Variants in LINGO2 observed in about 807,000 individuals in gnomAD.
The protein encoded by LINGO2 is leucine rich repeat and Ig domain containing 2, also known as leucine-rich repeat and immunoglobulin-like domain-containing nogo receptor-interacting protein 2.
Under a neutral mutation model 30.6 loss-of-function variants are expected in LINGO2, and 14 were observed. That is an observed-to-expected ratio of 0.46 (90% confidence interval 0.30 to 0.72). LINGO2 has a LOEUF of 0.72. Among genes scored for constraint, LINGO2 ranks in the 30% least tolerant of loss-of-function variants. The probability of loss-of-function intolerance (pLI) is 0.07; values close to 1 mark genes in which losing one functional copy is unlikely to be tolerated. For synonymous variants in LINGO2, 317 were observed against 288.5 expected (o/e 1.10, Z -1.00); for missense variants, 729 against 751.7 (o/e 0.97, Z 0.35).
At chr9:28,880,579 T>G in the LINGO2 span, among the ~76,000 whole-genome samples, 32 of 152,146 alleles carry the variant, frequency 2.1e-4, no homozygotes, top group African/African-American at 7.5e-4. Context: ...CCCCATGTGA[T>G]AGTCTGAAAT....
At position 27,957,843 on chromosome 9, in the gene LINGO2, T is replaced by C. The variant is rs10968227; in HGVS notation, c.-35-7137A>G. On this transcript the variant is annotated intron_variant, in intron 5 of 5. Coordinates refer to ENST00000379992, the Ensembl canonical transcript of LINGO2. ...GAACAACTTTCCAATTCACGAATGT[T>C]GTACGAGCTTCTTATCTTTAGGTAT... Among the ~76,000 whole-genome samples the C allele has an allele frequency of 0.011, 1,642 of 152,362 alleles. 138 individuals are homozygous for C. In the East Asian group the frequency reaches 0.2, roughly 18 times the overall value.
chr9:28,848,391 G>GTATA, the LINGO2 span, among the ~76,000 whole-genome samples: 131 of 55,054 alleles, frequency 2.4e-3, no homozygotes, highest in Middle Eastern at 0.014. Flanking sequence ...GTGTGTGTGT[G>GTATA]TGTGTGTATA....
intron 5 of LINGO2, among the ~76,000 whole-genome samples, chr9:27,994,770 G>C (rs1821572941): frequency 1.3e-5 from 2 of 152,154 alleles, no homozygotes; most frequent in African/African-American, 4.8e-5. Flanking sequence ...ACTAGGCAGG[G>C]AGGTGGTGGG....
chr9:28,510,621 T>A (rs1343769910), intron 1 of LINGO2, among the ~76,000 whole-genome samples: 1 of 151,718 alleles, frequency 6.6e-6, no homozygotes, highest in Non-Finnish European at 1.5e-5. Flanking sequence ...ATTGAAAAAA[T>A]CCACATATGA....
intron 1 of LINGO2, among the ~76,000 whole-genome samples, chr9:28,590,984 A>C (rs1279608324): frequency 2.0e-5 from 3 of 152,160 alleles, no homozygotes; most frequent in African/African-American, 4.8e-5. Flanking sequence ...AGCCATAAAA[A>C]ACGATGAGTT....
chr9:28,845,931 C>T, the LINGO2 span, among the ~76,000 whole-genome samples: 6 of 151,374 alleles, frequency 4.0e-5, no homozygotes, highest in Admixed American at 1.3e-4. Context: ...TAAATTAGCC[C>T]ACTGGAGGTA....
intron 1 of LINGO2, among the ~76,000 whole-genome samples, chr9:28,520,813 C>T (rs1031879723): frequency 1.3e-5 from 2 of 152,142 alleles, no homozygotes; most frequent in Non-Finnish European, 2.9e-5. Flanking sequence ...CATGAAGGTA[C>T]AATAATTTTT....
chr9:28,254,226 C>T (rs567366689), intron 4 of LINGO2, among the ~76,000 whole-genome samples: 1 of 152,080 alleles, frequency 6.6e-6, no homozygotes, highest in South Asian at 2.1e-4. Context: ...TAATTTTTAA[C>T]ATTAATATTA....
At chr9:29,094,961 A>T in the LINGO2 span, among the ~76,000 whole-genome samples, 1 of 137,474 alleles carries the variant, frequency 7.3e-6, no homozygotes, top group Non-Finnish European at 1.6e-5. Context: ...AAATTCATAC[A>T]TTTTCATTAG....
At chr9:29,004,800 G>A in the LINGO2 span, among the ~76,000 whole-genome samples, 2 of 151,626 alleles carry the variant, frequency 1.3e-5, no homozygotes, top group East Asian at 3.9e-4. Flanking sequence ...TCAAAACAAT[G>A]ATTAAAACTC....
chr9:28,674,159 G>T (rs528177029), upstream of LINGO2, among the ~76,000 whole-genome samples: 6 of 152,202 alleles, frequency 3.9e-5, no homozygotes, highest in African/African-American at 1.4e-4. Flanking sequence ...AAACAGGCAT[G>T]AATTACTCCT....
intron 4 of LINGO2, among the ~76,000 whole-genome samples, chr9:28,256,804 A>G (rs901466733): frequency 2.0e-5 from 3 of 151,990 alleles, no homozygotes; most frequent in African/African-American, 4.8e-5. Context: ...AATGTGAAAC[A>G]TACAAAGAAG....
the LINGO2 span, among the ~76,000 whole-genome samples, chr9:28,781,623 C>G: frequency 2.0e-5 from 3 of 152,070 alleles, no homozygotes; most frequent in Non-Finnish European, 4.4e-5. Flanking sequence ...GAGTGAACAT[C>G]ATTTTATTGG....
chr9:28,934,354 C>T, the LINGO2 span, among the ~76,000 whole-genome samples: 549 of 152,224 alleles, frequency 3.6e-3, 2 homozygotes, highest in African/African-American at 0.013. Flanking sequence ...TAGAAAGAGC[C>T]TGAAAATGAC....
the LINGO2 span, among the ~76,000 whole-genome samples, chr9:28,678,868 A>C: frequency 6.6e-6 from 1 of 152,038 alleles, no homozygotes; most frequent in African/African-American, 2.4e-5. Context: ...ACTTAGAAAA[A>C]CTCATTACAT....
In LINGO2 at chr9:28,025,477, A is replaced by AT. The variant is rs1823331657; in HGVS notation, c.-86-13073dup. 2.0e-5 allele frequency among the ~76,000 whole-genome samples: 3 copies of AT among 152,324 alleles called. No individual in the cohort carries two copies. In the South Asian group the frequency reaches 6.2e-4, roughly 32 times the overall value. ...TTCTCAGCTAAAAGAAGCCTGACTT[A>AT]TATGTAGACTCCATCATGAGAGGCC... On this transcript the variant is annotated intron_variant, in intron 4 of 5. Coordinates refer to ENST00000379992, the Ensembl canonical transcript of LINGO2.
intron 4 of LINGO2, among the ~76,000 whole-genome samples, chr9:28,165,715 C>T (rs995318363): frequency 4.6e-5 from 7 of 152,260 alleles, no homozygotes; most frequent in African/African-American, 1.7e-4. Flanking sequence ...GGGAGGCTTC[C>T]TTCCGCTCAA....
the LINGO2 span, among the ~76,000 whole-genome samples, chr9:28,695,851 C>T: frequency 6.6e-6 from 1 of 151,444 alleles, no homozygotes; most frequent in Admixed American, 6.6e-5. Flanking sequence ...AAAAGCATAA[C>T]TTCCCCAATT....
In LINGO2 at chr9:28,006,723, A is replaced by G. The variant is rs542426078; in HGVS notation, c.-36+5632T>C. 2.0e-5 allele frequency among the ~76,000 whole-genome samples: 3 copies of G among 152,226 alleles called. No homozygotes were observed. The East Asian group carries it at 5.8e-4, about 29-fold the overall frequency. On this transcript the variant is annotated intron_variant, in intron 5 of 5. Transcript: ENST00000379992. The stretch of plus-strand genomic sequence containing the variant: ...TCTTTTAGGGAACACTTCTCACTAC[A>G]TGTTCTTTCTTAAGGCCTCCTCTCA...
Sources: allele counts gnomAD v4.1 joint callset (sites outside exome capture counted in the v4.1 genomes callset), GRCh38; gene constraint gnomAD v4.1.1; transcripts MANE v1.5; gene names NCBI Gene and HGNC (gene_info 2026-07-23, HGNC 2026-07-21).